Variants in NUP210L observed in about 807,000 individuals in gnomAD.
The protein encoded by NUP210L is nuclear pore membrane glycoprotein 210-like.
NUP210L carries 74 observed loss-of-function variants against 208.5 expected under a neutral mutation model. The ratio of observed to expected loss-of-function variants is 0.35; its 90% CI spans 0.29 to 0.43. NUP210L has a LOEUF of 0.43. Among genes scored for constraint, NUP210L ranks in the 20% least tolerant of loss-of-function variants. NUP210L has a pLI of 1.00. For synonymous variants in NUP210L, 780 were observed against 816.9 expected (o/e 0.95, Z 0.77); for missense variants, 1,843 against 2,289.4 (o/e 0.81, Z 3.98).
chr1:154,006,083 C>T (rs907730559), intron 35 of NUP210L, among the ~76,000 whole-genome samples: 1 of 152,124 alleles, frequency 6.6e-6, no homozygotes, highest in Non-Finnish European at 1.5e-5. Flanking sequence ...GTCTTGAACT[C>T]CCAACCTCAG....
chr1:154,080,829 G>A (rs531638424), intron 16 of NUP210L, among the ~76,000 whole-genome samples: 37 of 151,984 alleles, frequency 2.4e-4, no homozygotes, highest in African/African-American at 8.7e-4. Flanking sequence ...AAAATTAGCT[G>A]GGCATGGTGG....
At chr1:154,143,947 T>A (rs570908837) in intron 2 of NUP210L, among the ~76,000 whole-genome samples, 79 of 152,252 alleles carry the variant, frequency 5.2e-4, no homozygotes, top group African/African-American at 1.8e-3. Context: ...TTTGGGAGGC[T>A]GAGGTGGGCA....
At chr1:154,072,300 A>AT (rs1458384440) in intron 16 of NUP210L, among the ~76,000 whole-genome samples, 6 of 75,170 alleles carry the variant, frequency 8.0e-5, no homozygotes, top group African/African-American at 2.0e-4. Context: ...TATTTTTTGT[A>AT]TTTTTTTATT....
chr1:154,149,966 G>A lies in NUP210L; in HGVS notation c.340+2770C>T, dbSNP rs193066493. Among the ~76,000 whole-genome samples, 439 of 152,286 alleles carry A rather than the reference G, an allele frequency of 2.9e-3. 2 individuals are homozygous for A. Among genetic ancestry groups the A allele is most frequent in the African/African-American group, 9.9e-3 (413 of 41,550 alleles). ...TCTCAGCCGGGTGTGGTTGGCTCATGGCTATAATCCCAGCACTTTGAGAGG... is the reference window on the plus strand; with the variant it reads ...TCTCAGCCGGGTGTGGTTGGCTCATAGCTATAATCCCAGCACTTTGAGAGG... On this transcript the variant is annotated intron_variant, in intron 2 of 39. Coordinates refer to ENST00000368559, the Ensembl canonical transcript of NUP210L.
chr1:154,063,836 A>C (rs890584763), intron 17 of NUP210L, among the ~76,000 whole-genome samples: 1 of 152,022 alleles, frequency 6.6e-6, no homozygotes, highest in Admixed American at 6.6e-5. Context: ...ATTGTGAAGA[A>C]GAATCATCTT....
At chr1:154,008,643 G>A (rs779407921) in intron 35 of NUP210L, among the ~76,000 whole-genome samples, 5 of 152,184 alleles carry the variant, frequency 3.3e-5, no homozygotes, top group Non-Finnish European at 7.3e-5. Context: ...GGAGGCAGAG[G>A]TGTAGTGAGC....
chr1:153,993,135 C>A (rs750900684), intron 38 of NUP210L, 46 bp from the exon 39 acceptor site: 1 of 1,385,434 alleles, frequency 7.2e-7, no homozygotes, highest in Non-Finnish European at 1.0e-6. Context: ...TGAGGAAGGC[C>A]TTAAAAGGCA....
chr1:154,052,382 G>A (rs1653562661), intron 25 of NUP210L, among the ~76,000 whole-genome samples: 1 of 152,144 alleles, frequency 6.6e-6, no homozygotes, highest in African/African-American at 2.4e-5. Context: ...CTGATGCTGA[G>A]GAGGACCCCA....
intron 12 of NUP210L, among the ~76,000 whole-genome samples, chr1:154,106,245 A>G (rs764376992): frequency 2.0e-5 from 3 of 152,252 alleles, no homozygotes; most frequent in Admixed American, 1.3e-4. Context: ...TGGGTGACAG[A>G]GTAAGACTCC....
chr1:154,051,626 T>C (rs998513140), intron 25 of NUP210L, among the ~76,000 whole-genome samples: 2 of 152,224 alleles, frequency 1.3e-5, no homozygotes, highest in East Asian at 1.9e-4. Flanking sequence ...TGCCAGATGG[T>C]ACATTTCTCA....
intron 35 of NUP210L, among the ~76,000 whole-genome samples, 178 bp downstream of exon 35, chr1:154,009,792 CAA>C (rs373230285): frequency 1.4e-4 from 9 of 64,540 alleles, no homozygotes; most frequent in Non-Finnish European, 1.7e-4. Flanking sequence ...GACCCAGTCT[CAA>C]AAAAAAAAAA....
At chr1:154,082,268 T>C (rs1655376697) in intron 16 of NUP210L, among the ~76,000 whole-genome samples, 1 of 152,186 alleles carries the variant, frequency 6.6e-6, no homozygotes, top group South Asian at 2.1e-4. Context: ...GTGAGGGCAG[T>C]CTTGTTGGGA....
At chr1:154,033,067 A>C (rs1472261727) in intron 27 of NUP210L, among the ~76,000 whole-genome samples, 2 of 152,136 alleles carry the variant, frequency 1.3e-5, no homozygotes, top group African/African-American at 2.4e-5. Flanking sequence ...TATCTATTCC[A>C]ATCTTTTGCC....
chr1:154,140,581 C>T (rs1180584161), intron 4 of NUP210L, among the ~76,000 whole-genome samples: 12 of 145,538 alleles, frequency 8.2e-5, no homozygotes, highest in African/African-American at 2.5e-4. Flanking sequence ...GCAGGAGAAT[C>T]GCTTGAACCC....
rs780125318 is a variant in NUP210L at position 154,027,605 on chromosome 1, G to A, written c.3856-8C>T. 3.1e-6 allele frequency: 5 copies of A among 1,598,488 alleles called. No individual in the cohort carries two copies. In the South Asian group the frequency reaches 3.3e-5, roughly 11 times the overall value. On this transcript the variant is annotated splice_polypyrimidine_tract_variant and splice_region_variant and intron_variant, in intron 28 of 39. Coordinates refer to ENST00000368559, the Ensembl canonical transcript of NUP210L. Reference sequence around the variant, plus strand: ...TTGGAGTTTTTCAAACACCTATAATGAGAAAATGTTTTCCTCATTTTTGGC... The same window carrying A: ...TTGGAGTTTTTCAAACACCTATAATAAGAAAATGTTTTCCTCATTTTTGGC...
chr1:154,039,106 T>C (rs1232580264), intron 27 of NUP210L, among the ~76,000 whole-genome samples: 1 of 152,214 alleles, frequency 6.6e-6, no homozygotes, highest in Non-Finnish European at 1.5e-5. Flanking sequence ...CAGTGAGTTT[T>C]GTATCTTCAG....
At chr1:154,001,654 T>C in intron 36 of NUP210L, 81 bp downstream of exon 36, 18 of 1,442,204 alleles carry the variant, frequency 1.2e-5, no homozygotes, top group Non-Finnish European at 1.7e-5. Flanking sequence ...CAGTAACTTC[T>C]TTTGCCCTTG....
chr1:154,029,815 C>A (rs1652109494), intron 28 of NUP210L, 81 bp downstream of exon 28: 3 of 1,115,132 alleles, frequency 2.7e-6, no homozygotes, highest in Non-Finnish European at 4.0e-6. Flanking sequence ...TCTATCCAGA[C>A]TAAGCTCTTT....
At chr1:154,028,054 A>G (rs932612976) in intron 28 of NUP210L, among the ~76,000 whole-genome samples, 10 of 152,138 alleles carry the variant, frequency 6.6e-5, no homozygotes, top group Admixed American at 6.6e-5. Flanking sequence ...CTTCACATGG[A>G]ATCAGAGAAC....
Sources: gnomAD v4.1 joint callset for allele counts (sites outside exome capture counted in the v4.1 genomes callset) on GRCh38, gnomAD v4.1.1 for gene constraint, MANE v1.5 for transcripts, NCBI Gene and HGNC (gene_info 2026-07-23, HGNC 2026-07-21) for gene names.